PI4KA: variants seen among roughly 807,000 people sequenced by gnomAD.
PI4KA encodes phosphatidylinositol 4-kinase alpha, also known as PI4-kinase alpha.
A neutral mutation model predicts 271.4 loss-of-function variants in PI4KA; 122 were observed. The observed-to-expected ratio is 0.45, with a 90% CI of 0.39 to 0.52. The LOEUF (loss-of-function observed/expected upper bound fraction) is 0.52, where lower values mean the gene tolerates loss of function less well. PI4KA is among the 20% of genes least tolerant of loss of function. The pLI is 0.00. For missense variants in PI4KA, 1,969 were observed against 2,769.1 expected, an observed-to-expected ratio of 0.71 and a Z score of 6.48; for synonymous variants, 1,041 against 1,078.8, an observed-to-expected ratio of 0.96 and a Z score of 0.69.
At chr22:20,759,766 C>T (rs536418317) in intron 23 of PI4KA, among the ~76,000 whole-genome samples, 9 of 152,264 alleles carry the variant, frequency 5.9e-5, no homozygotes, top group East Asian at 1.9e-4. Flanking sequence ...AGGGTTTCAC[C>T]GTGTTAGCCA....
chr22:20,799,147 G>A lies in PI4KA; in HGVS notation c.1950C>T (p.Ser650=), dbSNP rs753638207. The change falls in exon 16 of 55, where the codon TCC becomes TCT. Residue 650 remains serine, a synonymous_variant. Coordinates refer to ENST00000255882, the MANE Select transcript of PI4KA (RefSeq NM_058004.4). The part of the protein sequence containing the change: ...ILQQKFCQPP[S]PLDVLIIDQL... ...GGTCAATAATCAGCACATCGAGGGGGGAGGGTGGCTGGCAGAATTTCTGCT... is the reference window on the plus strand; with the variant it reads ...GGTCAATAATCAGCACATCGAGGGGAGAGGGTGGCTGGCAGAATTTCTGCT... 40 of 1,612,874 alleles carry A rather than the reference G, an allele frequency of 2.5e-5. No individual in the cohort carries two copies. The highest frequency in any genetic ancestry group is 3.3e-5 in the Non-Finnish European group (39 of 1,179,554).
intron 19 of PI4KA, among the ~76,000 whole-genome samples, chr22:20,769,630 C>T (rs985921914): frequency 1.3e-5 from 2 of 149,248 alleles, no homozygotes; most frequent in Non-Finnish European, 3.0e-5. Flanking sequence ...GATTGCGCCA[C>T]TGCACTGCAG....
chr22:20,753,054 G>A, intron 24 of PI4KA, 27 bp from the exon 25 acceptor site: 12 of 1,614,176 alleles, frequency 7.4e-6, no homozygotes, highest in South Asian at 2.2e-5. Context: ...AACAGGTACC[G>A]CAGTGCCCCA....
rs1930859477 is a variant in PI4KA, at chr22:20,752,877, A to G, written c.2987+26T>C. 21 of 1,611,176 alleles carry G rather than the reference A, an allele frequency of 1.3e-5. 1 individual carries two copies. The African/African-American group carries it at 2.7e-4, about 20-fold the overall frequency. ...ACAGAAGTTTATATACATACACACA[A>G]AACATTAGCAGGAAAATGAGCTTAC... On this transcript the variant is annotated intron_variant, in intron 25 of 54. Coordinates refer to ENST00000255882, the MANE Select transcript of PI4KA (RefSeq NM_058004.4).
At chr22:20,718,389 G>A (rs4052225) in intron 44 of PI4KA, among the ~76,000 whole-genome samples, 7 of 152,202 alleles carry the variant, frequency 4.6e-5, no homozygotes, top group African/African-American at 1.2e-4. Context: ...GGGCAGGGTG[G>A]CCTCAAATTG....
rs139052610 is a variant in PI4KA, at chr22:20,806,633, A to G, written c.1168+729T>C. Among the ~76,000 whole-genome samples, 719 of 151,980 alleles carry G rather than the reference A, an allele frequency of 4.7e-3. 5 individuals carry two copies. Among genetic ancestry groups the G allele is most frequent in the African/African-American group, 0.017 (689 of 41,478 alleles). On this transcript the variant is annotated intron_variant, in intron 10 of 54. Coordinates refer to ENST00000255882, the MANE Select transcript of PI4KA (RefSeq NM_058004.4). ...GTTGCAGTGACCCCAGATCATGCCA[A>G]TGCACTCCAGCCTGGGCGACAGGGA...
At chr22:20,772,346 G>C (rs896262663) in intron 19 of PI4KA, among the ~76,000 whole-genome samples, 2 of 152,190 alleles carry the variant, frequency 1.3e-5, no homozygotes. Context: ...GGCTGTGCTG[G>C]GGCCGGGCTT....
chr22:20,724,776 C>T (rs569199315), intron 42 of PI4KA, among the ~76,000 whole-genome samples: 1 of 152,180 alleles, frequency 6.6e-6, no homozygotes, highest in South Asian at 2.1e-4. Context: ...TGGGTACTGG[C>T]TCCCCTCCCC....
chr22:20,731,031 T>C (rs1172901809), intron 36 of PI4KA, among the ~76,000 whole-genome samples: 1 of 151,992 alleles, frequency 6.6e-6, no homozygotes, highest in East Asian at 2.0e-4. Context: ...CAATAAAAAT[T>C]AGCCAGGGGA....
At position 20,807,644 on chromosome 22, in the gene PI4KA, A is replaced by G. The variant is rs185193185; in HGVS notation, c.1072-186T>C. On this transcript the variant is annotated intron_variant, in intron 9 of 54. Transcript: ENST00000255882. Reference sequence around the variant, plus strand: ...ATCCTCTTAAGCATCAGACCAAGGAAAACAGGAGGCTCATGCAGTCCAGAG... The same window carrying G: ...ATCCTCTTAAGCATCAGACCAAGGAGAACAGGAGGCTCATGCAGTCCAGAG... Among the ~76,000 whole-genome samples the G allele has an allele frequency of 7.6e-4, 116 of 152,342 alleles. 3 individuals are homozygous for G. The highest frequency in any genetic ancestry group is 7.0e-3 in the South Asian group (34 of 4,824).
chr22:20,765,001 C>G, intron 21 of PI4KA, 51 bp from the exon 22 acceptor site: 1 of 1,584,210 alleles, frequency 6.3e-7, no homozygotes, highest in Non-Finnish European at 8.6e-7. Flanking sequence ...CCAGGACAAA[C>G]AGGTCCCAGT....
rs1406584448 is a variant in PI4KA at position 20,717,748 on chromosome 22, C to T, written c.5277G>A (p.Lys1759=). 6.3e-7 allele frequency: 1 copy of T among 1,578,538 alleles called. No homozygotes were observed. Among genetic ancestry groups the T allele is most frequent in the Non-Finnish European group, 8.6e-7 (1 of 1,160,596 alleles). Residue 1759 remains lysine, a synonymous_variant, in exon 45 of 55, where the codon AAG becomes AAA. Coordinates refer to ENST00000255882, the MANE Select transcript of PI4KA (RefSeq NM_058004.4). ...CTTCAGACAGGGCCGACAGACAAGC[C>T]TTCTTTCTCTCGTCGCCTTTAGGGT... ...KPYPKGDERK[K]ACLSALSEVK...
At chr22:20,711,911 A>T (rs1314212622) in intron 50 of PI4KA, among the ~76,000 whole-genome samples, 1 of 149,370 alleles carries the variant, frequency 6.7e-6, no homozygotes, top group East Asian at 2.0e-4. Context: ...TGCCCAGTTA[A>T]TTTTTTTACT....
intron 28 of PI4KA, among the ~76,000 whole-genome samples, chr22:20,748,633 C>A (rs536643100): frequency 6.6e-6 from 1 of 152,136 alleles, no homozygotes; most frequent in Non-Finnish European, 1.5e-5. Context: ...TGTTTACAGG[C>A]GTGAACCAAC....
intron 8 of PI4KA, among the ~76,000 whole-genome samples, chr22:20,811,333 C>T (rs1277158509): frequency 6.6e-6 from 1 of 152,130 alleles, no homozygotes; most frequent in Non-Finnish European, 1.5e-5. Flanking sequence ...GACCTCAGGC[C>T]TTGCTGCCAT....
At chr22:20,726,954 G>A (rs1281567784) in intron 41 of PI4KA, among the ~76,000 whole-genome samples, 7 of 152,132 alleles carry the variant, frequency 4.6e-5, no homozygotes, top group Non-Finnish European at 1.0e-4. Context: ...GCTGTGTGGG[G>A]TGTGCACAGC....
At chr22:20,805,278 T>A in intron 10 of PI4KA, 113 bp from the exon 11 acceptor site, 3 of 721,100 alleles carry the variant, frequency 4.2e-6, no homozygotes, top group Non-Finnish European at 4.6e-6. Context: ...AAAAGTAGCA[T>A]TTGCTACTGG....
chr22:20,858,378 G>GTCCCTCTC (rs1165828961), intron 1 of PI4KA, among the ~76,000 whole-genome samples, 192 bp downstream of exon 1: 1 of 150,148 alleles, frequency 6.7e-6, no homozygotes, highest in Admixed American at 6.6e-5. Flanking sequence ...TTCCCCCACG[G>GTCCCTCTC]TCCCTCTCTC....
chr22:20,744,344 T>C (rs891166093), intron 30 of PI4KA, among the ~76,000 whole-genome samples: 3 of 152,194 alleles, frequency 2.0e-5, no homozygotes, highest in South Asian at 2.1e-4. Flanking sequence ...GGCATGTAAG[T>C]GTTTGTTACT....
Sources: gnomAD v4.1 joint callset for allele counts (sites outside exome capture counted in the v4.1 genomes callset) on GRCh38, gnomAD v4.1.1 for gene constraint, MANE v1.5 for transcripts, NCBI Gene and HGNC (gene_info 2026-07-23, HGNC 2026-07-21) for gene names.